Variants in SWAP70 observed in about 807,000 individuals in gnomAD.
The protein encoded by SWAP70 is switch-associated protein 70.
SWAP70 carries 34 observed loss-of-function variants against 80.2 expected under a neutral mutation model. The observed-to-expected ratio is 0.42, with a 90% CI of 0.32 to 0.56. The LOEUF is 0.56. Among genes scored for constraint, SWAP70 ranks in the 20% least tolerant of loss-of-function variants. The pLI, the probability that SWAP70 is intolerant of heterozygous loss-of-function variation, is 0.09. For synonymous variants in SWAP70, 239 were observed against 238.5 expected (o/e 1.00, Z -0.02); for missense variants, 578 against 690.7 (o/e 0.84, Z 1.83).
intron 7 of SWAP70, among the ~76,000 whole-genome samples, chr11:9,736,305 T>C (rs1463427780): frequency 2.6e-5 from 4 of 152,128 alleles, no homozygotes; most frequent in Admixed American, 2.6e-4. Flanking sequence ...GCATAAAATA[T>C]TTATAACTGC....
Position 9,707,552 on chromosome 11 carries a change from C to CTT in SWAP70, c.241-5911_241-5910dup, listed in dbSNP as rs200003596. 6.8e-5 allele frequency among the ~76,000 whole-genome samples: 9 copies of CTT among 132,276 alleles called. 1 individual carries two copies. The highest frequency in any genetic ancestry group is 9.8e-5 in the Non-Finnish European group (6 of 61,046). 86.8% of individuals were successfully genotyped at this position (132,276 alleles called of 152,430 possible). A position where few individuals can be genotyped will look rare whatever the true frequency, so the allele number is the denominator to read the frequency against. On this transcript the variant is annotated intron_variant, in intron 2 of 11. Transcript: ENST00000318950. The stretch of plus-strand genomic sequence containing the variant: ...TATGTATATAACACATTTTCTTTTT[C>CTT]TTTTCTTTTTTTTTTTTTTTTGAGA...
chr11:9,678,635 C>T (rs571371567), intron 1 of SWAP70, among the ~76,000 whole-genome samples: 81 of 148,364 alleles, frequency 5.5e-4, no homozygotes, highest in Middle Eastern at 3.6e-3. Flanking sequence ...TCTCTGATCT[C>T]CATTTTGTAT....
chr11:9,744,626 T>C (rs1014511816), intron 9 of SWAP70, among the ~76,000 whole-genome samples: 1 of 152,276 alleles, frequency 6.6e-6, no homozygotes, highest in East Asian at 1.9e-4. Flanking sequence ...CTCAAGTTAT[T>C]GGCCGGACAT....
rs1238759943 is a variant in SWAP70 at position 9,674,090 on chromosome 11, C to T, written c.99+9812C>T. 4.0e-5 allele frequency among the ~76,000 whole-genome samples: 6 copies of T among 151,898 alleles called. No homozygotes were observed. The South Asian group carries it at 6.2e-4, about 16-fold the overall frequency. ...AATTTTTGTATTTTTTAGTAGAGACCGAGTTTCGCCGTGTTGGCCAGGCTG... is the reference window on the plus strand; with the variant it reads ...AATTTTTGTATTTTTTAGTAGAGACTGAGTTTCGCCGTGTTGGCCAGGCTG... On this transcript the variant is annotated intron_variant, in intron 1 of 11. Coordinates refer to ENST00000318950, the MANE Select transcript of SWAP70 (RefSeq NM_015055.4).
At position 9,674,829 on chromosome 11, in the gene SWAP70, C is replaced by T. The variant is rs529799129; in HGVS notation, c.99+10551C>T. 4.0e-5 allele frequency among the ~76,000 whole-genome samples: 6 copies of T among 151,798 alleles called. No individual in the cohort carries two copies. The East Asian group carries it at 7.8e-4, about 20-fold the overall frequency. On this transcript the variant is annotated intron_variant, in intron 1 of 11. Transcript: ENST00000318950. The stretch of plus-strand genomic sequence containing the variant: ...AATACAAAAAAAGAAATTAGCTGGG[C>T]GTGGTGGCGGGCGGCTGTAGTCCCA...
Position 9,750,000 on chromosome 11 carries a change from G to A in SWAP70, c.*30G>A, listed in dbSNP as rs915303054. 1.4e-6 allele frequency: 2 copies of A among 1,435,452 alleles called. No homozygotes were observed. Among genetic ancestry groups the A allele is most frequent in the South Asian group, 1.1e-5 (1 of 87,446 alleles). The allele number at this position is 1,435,452 out of a possible 1,614,324, so 88.9% of individuals were successfully genotyped here. ...GCTTGCTGGCAGTCACGTCAGTTAT[G>A]TAGATACTGCATGGCAGGAGAGCTT... On this transcript the variant is annotated 3_prime_UTR_variant, in exon 12 of 12. Transcript: ENST00000318950.
chr11:9,732,632 A>C lies in SWAP70; in HGVS notation c.1002A>C (p.Gln334His). 6.3e-7 allele frequency: 1 copy of C among 1,586,454 alleles called. No individual in the cohort carries two copies. ...KELRKKQLAEQEELERQMKEL... is the reference protein window; with the variant it reads ...KELRKKQLAEHEELERQMKEL... ...TCCGGAAGAAGCAGCTGGCTGAACA[A>C]GAGGAACTGGAGCGACAAATGAAGG... is the stretch of plus-strand genomic sequence containing the variant. The change falls in exon 7 of 12, where the codon CAA (glutamine) becomes CAC (histidine). Residue 334 changes from glutamine (Q) to histidine (H), a missense_variant. Gln to His is a conservative substitution (Grantham distance 24). Coordinates refer to ENST00000318950, the MANE Select transcript of SWAP70 (RefSeq NM_015055.4).
chr11:9,723,423 C>T lies in SWAP70; in HGVS notation c.415-1235C>T, dbSNP rs948015401. Among the ~76,000 whole-genome samples, 26 of 152,100 alleles carry T rather than the reference C, an allele frequency of 1.7e-4. 1 individual carries two copies. Among genetic ancestry groups the T allele is most frequent in the Admixed American group, 1.7e-3 (26 of 15,272 alleles). ...CATTAAAAAAAAATGCTGGTTGCTG[C>T]CCACTAAGTTGACTTCATAGTGGGC... On this transcript the variant is annotated intron_variant, in intron 3 of 11. Transcript: ENST00000318950.
Position 9,750,169 on chromosome 11 carries a change from C to T in SWAP70, c.*199C>T, listed in dbSNP as rs868835120. The T allele has an allele frequency of 5.0e-5, 17 of 338,216 alleles. No homozygotes were observed. In the Middle Eastern group the frequency reaches 2.7e-3, roughly 53 times the overall value. The allele number at this position is 338,216 out of a possible 1,614,324, so 21.0% of individuals were successfully genotyped here. ...CCTGGCCAACCTGGTGAAACCCTGT[C>T]TCTACTAAAAATACAAAAAAAATTA... On this transcript the variant is annotated 3_prime_UTR_variant, in exon 12 of 12. Coordinates refer to ENST00000318950, the MANE Select transcript of SWAP70 (RefSeq NM_015055.4).
intron 1 of SWAP70, among the ~76,000 whole-genome samples, chr11:9,672,954 C>G (rs984939850): frequency 6.6e-6 from 1 of 152,050 alleles, no homozygotes; most frequent in African/African-American, 2.4e-5. Context: ...TTTCTCTGCT[C>G]TCACACCACA....
chr11:9,670,536 G>A (rs1456571482), intron 1 of SWAP70, among the ~76,000 whole-genome samples: 1 of 151,890 alleles, frequency 6.6e-6, no homozygotes. Context: ...TGTCAGTAAG[G>A]AATTTGGTAG....
intron 4 of SWAP70, among the ~76,000 whole-genome samples, chr11:9,727,790 A>T (rs1016388272): frequency 6.6e-6 from 1 of 152,170 alleles, no homozygotes; most frequent in African/African-American, 2.4e-5. Flanking sequence ...ACTTAATGTC[A>T]AGGGGATTCT....
intron 8 of SWAP70, among the ~76,000 whole-genome samples, chr11:9,739,113 T>G (rs540877268): frequency 6.6e-6 from 1 of 152,218 alleles, no homozygotes; most frequent in African/African-American, 2.4e-5. Context: ...TGAGAACATC[T>G]AGAGTCTGAT....
chr11:9,737,303 C>T (rs1367738562), intron 7 of SWAP70, among the ~76,000 whole-genome samples: 1 of 152,118 alleles, frequency 6.6e-6, no homozygotes, highest in Non-Finnish European at 1.5e-5. Flanking sequence ...TTCTCACTGA[C>T]ACTGTGGGGG....
At chr11:9,732,455 G>C in intron 6 of SWAP70, 74 bp from the exon 7 acceptor site, 2 of 1,418,396 alleles carry the variant, frequency 1.4e-6, no homozygotes, top group East Asian at 5.0e-5. Flanking sequence ...TTCCCACTGT[G>C]CCATTTGCAT....
At chr11:9,737,914 T>TA (rs1486176235) in intron 7 of SWAP70, among the ~76,000 whole-genome samples, 1 of 152,072 alleles carries the variant, frequency 6.6e-6, no homozygotes, top group Admixed American at 6.6e-5. Flanking sequence ...AATAAATAAA[T>TA]AAAAATCTCA....
chr11:9,696,084 A>G (rs1350963121), intron 2 of SWAP70, among the ~76,000 whole-genome samples: 1 of 152,180 alleles, frequency 6.6e-6, no homozygotes, highest in African/African-American at 2.4e-5. Flanking sequence ...TCTTTACTGT[A>G]TAGATATTAT....
chr11:9,670,980 C>A (rs1271613274), intron 1 of SWAP70, among the ~76,000 whole-genome samples: 1 of 150,238 alleles, frequency 6.7e-6, no homozygotes, highest in Non-Finnish European at 1.5e-5. Context: ...GTCTCGAACT[C>A]CTGACCTTGT....
At chr11:9,728,244 C>G (rs144667277) in intron 5 of SWAP70, 45 bp downstream of exon 5, 4 of 1,510,842 alleles carry the variant, frequency 2.6e-6, no homozygotes, top group African/African-American at 1.4e-5. Context: ...CGTGCTGCCC[C>G]CTGATGCTGA....
Sources: gnomAD v4.1 joint callset for allele counts (sites outside exome capture counted in the v4.1 genomes callset) on GRCh38, gnomAD v4.1.1 for gene constraint, MANE v1.5 for transcripts, NCBI Gene and HGNC (gene_info 2026-07-23, HGNC 2026-07-21) for gene names.